The following CLXN variants were observed in gnomAD, a reference collection of about 807,000 sequenced individuals.
CLXN encodes the protein calaxin, also known as EF-hand calcium binding domain 1.
the CLXN span, among the ~76,000 whole-genome samples, chr8:48,716,795 T>C: frequency 1.5e-4 from 22 of 150,916 alleles, no homozygotes; most frequent in African/African-American, 4.6e-4. Context: ...TAAAAAAGAA[T>C]GACGAAATCC....
At chr8:48,718,618 G>A in the CLXN span, among the ~76,000 whole-genome samples, 2 of 152,056 alleles carry the variant, frequency 1.3e-5, no homozygotes, top group Non-Finnish European at 2.9e-5. Flanking sequence ...TTTTCCAACA[G>A]TAACAGAATG....
chr8:48,728,228 C>G, the CLXN span, among the ~76,000 whole-genome samples: 1 of 152,180 alleles, frequency 6.6e-6, no homozygotes, highest in Non-Finnish European at 1.5e-5. Flanking sequence ...CAGAGCACAC[C>G]AAAACCTCGT....
the CLXN span, among the ~76,000 whole-genome samples, chr8:48,732,090 G>T: frequency 6.6e-6 from 1 of 152,130 alleles, no homozygotes; most frequent in African/African-American, 2.4e-5. Context: ...TAATAGTTTG[G>T]AGGAAGGAAA....
the CLXN span, chr8:48,729,199 C>A: frequency 7.1e-7 from 1 of 1,417,922 alleles, no homozygotes. Context: ...ACTGCAAATA[C>A]ATGCTCTTTT....
chr8:48,710,930 C>A, the CLXN span: 2 of 152,186 alleles, frequency 1.3e-5, no homozygotes, highest in Non-Finnish European at 2.9e-5. Context: ...ACGATAGCAT[C>A]CCATTTGGGA....
the CLXN span, among the ~76,000 whole-genome samples, chr8:48,713,367 C>T: frequency 6.6e-6 from 1 of 152,234 alleles, no homozygotes; most frequent in Non-Finnish European, 1.5e-5. Context: ...GAGAACTAAA[C>T]ACTAGCTGTG....
chr8:48,734,744 T>C, the CLXN span: 4 of 228,982 alleles, frequency 1.7e-5, no homozygotes, highest in East Asian at 3.7e-4. Context: ...TTGGTGGTGC[T>C]ACTTTTCTTG....
the CLXN span, chr8:48,734,983 C>G: frequency 7.8e-7 from 1 of 1,274,742 alleles, no homozygotes; most frequent in Non-Finnish European, 1.1e-6. Flanking sequence ...GGTAGGTAGC[C>G]CACAGAGTCC....
chr8:48,729,947 C>T, the CLXN span: 1 of 1,412,612 alleles, frequency 7.1e-7, no homozygotes, highest in South Asian at 1.4e-5. Context: ...CTTTTCAGGG[C>T]CAAGTTCTAT....
At chr8:48,712,535 G>A in the CLXN span, 1 of 152,304 alleles carries the variant, frequency 6.6e-6, no homozygotes, top group East Asian at 1.9e-4. Flanking sequence ...TTGAAGGGTA[G>A]GTAGGAGGCT....
At chr8:48,724,598 T>C in the CLXN span, 2 of 584,444 alleles carry the variant, frequency 3.4e-6, no homozygotes, top group Admixed American at 3.6e-5. Flanking sequence ...CTTACACTGA[T>C]GTTAAATGAT....
chr8:48,724,048 T>C, the CLXN span: 1 of 152,200 alleles, frequency 6.6e-6, no homozygotes, highest in South Asian at 2.1e-4. Context: ...TGGTACTTTT[T>C]GATTTTCAGT....
chr8:48,733,194 T>C, the CLXN span, among the ~76,000 whole-genome samples: 59 of 152,318 alleles, frequency 3.9e-4, no homozygotes, highest in Middle Eastern at 0.01. Context: ...TGAAGAATGA[T>C]GTACTCTGTT....
chr8:48,728,226 AC>A, the CLXN span, among the ~76,000 whole-genome samples: 1 of 152,194 alleles, frequency 6.6e-6, no homozygotes, highest in African/African-American at 2.4e-5. Flanking sequence ...CTCAGAGCAC[AC>A]CAAAACCTCG....
chr8:48,719,319 T>C, the CLXN span, among the ~76,000 whole-genome samples: 2 of 152,108 alleles, frequency 1.3e-5, no homozygotes, highest in African/African-American at 4.8e-5. Flanking sequence ...GGTGGCTTTC[T>C]AGGTGAATTC....
At chr8:48,734,978 G>A in the CLXN span, 1 of 1,198,756 alleles carries the variant, frequency 8.3e-7, no homozygotes, top group Admixed American at 2.1e-5. Context: ...GGGGCGGTAG[G>A]TAGCCCACAG....
At chr8:48,712,021 AATTT>A in the CLXN span, among the ~76,000 whole-genome samples, 1 of 152,198 alleles carries the variant, frequency 6.6e-6, no homozygotes, top group East Asian at 1.9e-4. Context: ...TTAAAAATTT[AATTT>A]ATTCCATTTT....
chr8:48,731,295 T>C, the CLXN span: 2 of 1,517,102 alleles, frequency 1.3e-6, no homozygotes, highest in Non-Finnish European at 8.8e-7. Context: ...CCAAACCCTT[T>C]TTTTTTCAGT....
chr8:48,718,286 A>G, the CLXN span, among the ~76,000 whole-genome samples: 1 of 152,302 alleles, frequency 6.6e-6, no homozygotes, highest in Non-Finnish European at 1.5e-5. Flanking sequence ...TTTTAAATAT[A>G]TATACAACCA....
Sources: gnomAD v4.1 joint callset for allele counts (sites outside exome capture counted in the v4.1 genomes callset) on GRCh38, gnomAD v4.1.1 for gene constraint, MANE v1.5 for transcripts, NCBI Gene and HGNC (gene_info 2026-07-23, HGNC 2026-07-21) for gene names.